The following RGS12 variants were observed in gnomAD, a reference collection of about 807,000 sequenced individuals.
RGS12 encodes regulator of G protein signaling 12, also known as regulator of G-protein signaling 12.
In RGS12, 66 loss-of-function variants were observed where a neutral mutation model predicts 120.1. The observed-to-expected ratio is 0.55, with a 90% CI of 0.45 to 0.67. The LOEUF is 0.67. Ranked by LOEUF, RGS12 falls within the 30% of genes least tolerant of loss-of-function variation. The pLI is 0.00. For missense variants in RGS12, 1,859 were observed against 1,957.7 expected, an observed-to-expected ratio of 0.95 and a Z score of 0.95; for synonymous variants, 827 against 804.7, an observed-to-expected ratio of 1.03 and a Z score of -0.47.
chr4:3,383,575 C>G (rs1718489495), intron 3 of RGS12, among the ~76,000 whole-genome samples: 1 of 151,462 alleles, frequency 6.6e-6, no homozygotes, highest in Non-Finnish European at 1.5e-5. Flanking sequence ...CCACTGTACT[C>G]TATCCTGGTG....
chr4:3,364,898 A>T (rs1034697541), intron 3 of RGS12, among the ~76,000 whole-genome samples: 7 of 150,908 alleles, frequency 4.6e-5, no homozygotes, highest in African/African-American at 1.7e-4. Context: ...GCTTGGAAGG[A>T]CCCTCCCCGT....
At chr4:3,312,291 A>G (rs1273273372) in intron 1 of RGS12, among the ~76,000 whole-genome samples, 2 of 152,234 alleles carry the variant, frequency 1.3e-5, no homozygotes, top group Non-Finnish European at 2.9e-5. Flanking sequence ...TTGGGAGGCC[A>G]AGGTGGGAGG....
At chr4:3,403,018 A>G (rs1720749309) in intron 4 of RGS12, among the ~76,000 whole-genome samples, 1 of 152,166 alleles carries the variant, frequency 6.6e-6, no homozygotes, top group African/African-American at 2.4e-5. Context: ...CAGAGTGACA[A>G]GTGACATAAT....
chr4:3,420,536 C>T, intron 9 of RGS12, 106 bp from the exon 10 acceptor site: 2 of 1,081,140 alleles, frequency 1.8e-6, no homozygotes, highest in Non-Finnish European at 2.8e-6. Context: ...GTGGGGGGGG[C>T]TTCCTGGCGT....
At chr4:3,300,315 G>T (rs934401807) in intron 1 of RGS12, among the ~76,000 whole-genome samples, 1 of 152,206 alleles carries the variant, frequency 6.6e-6, no homozygotes, top group African/African-American at 2.4e-5. Context: ...TGAGGGGCTG[G>T]CTTGCCCCGC....
At position 3,354,828 on chromosome 4, in the gene RGS12, T is replaced by C. The variant is rs531371166; in HGVS notation, c.1998+11775T>C. ...TCATCTCAAGAAGTTAGACAAAAAG[T>C]TGTAGAACAGAATTACAGGACGTCA... On this transcript the variant is annotated intron_variant, in intron 3 of 17. Coordinates refer to ENST00000336727, the MANE Select transcript of RGS12 (RefSeq NM_001394154.1). Among the ~76,000 whole-genome samples, 3 of 152,246 alleles carry C rather than the reference T, an allele frequency of 2.0e-5. No homozygotes were observed. The East Asian group carries it at 5.8e-4, about 29-fold the overall frequency.
At chr4:3,386,363 G>A in intron 3 of RGS12, 53 bp from the exon 4 acceptor site, 2 of 1,568,694 alleles carry the variant, frequency 1.3e-6, no homozygotes, top group Non-Finnish European at 1.8e-6. Flanking sequence ...TTCGTTTCCT[G>A]GAGTTTTGTC....
intron 2 of RGS12, among the ~76,000 whole-genome samples, chr4:3,329,816 A>C (rs769989576): frequency 7.0e-6 from 1 of 142,634 alleles, no homozygotes; most frequent in Non-Finnish European, 1.5e-5. Flanking sequence ...CATGAGTGCA[A>C]AATTTCAGTC....
chr4:3,340,210 C>T (rs1027686460), intron 2 of RGS12, among the ~76,000 whole-genome samples: 13 of 152,188 alleles, frequency 8.5e-5, no homozygotes, highest in African/African-American at 2.4e-4. Context: ...CTGCCGGGGC[C>T]GCACACCTGC....
At chr4:3,292,556 A>G (rs1054451411), upstream of RGS12, among the ~76,000 whole-genome samples, 1 of 152,216 alleles carries the variant, frequency 6.6e-6, no homozygotes, top group Non-Finnish European at 1.5e-5. Context: ...CCGGGCACAG[A>G]GACCCAACGG....
chr4:3,335,582 CA>C (rs931796240), intron 2 of RGS12, among the ~76,000 whole-genome samples: 5 of 152,214 alleles, frequency 3.3e-5, no homozygotes, highest in Non-Finnish European at 7.3e-5. Context: ...TTCACCCTCA[CA>C]GGGGCAGTTC....
chr4:3,340,391 G>A (rs913358191), intron 2 of RGS12, among the ~76,000 whole-genome samples: 22 of 152,254 alleles, frequency 1.4e-4, no homozygotes, highest in Non-Finnish European at 3.2e-4. Context: ...GGACGCTGGG[G>A]AGTCTTAACT....
Position 3,390,712 on chromosome 4 carries a change from G to C in RGS12, c.2020+4275G>C, listed in dbSNP as rs1354642224. Among the ~76,000 whole-genome samples, 1 of 152,214 alleles carries C rather than the reference G, an allele frequency of 6.6e-6. No homozygotes were observed. The highest frequency in any genetic ancestry group is 1.5e-5 in the Non-Finnish European group (1 of 68,044). ...ACAGCTGACAGGCCGATCTCTTGGG[G>C]CAAGTCACTTTCTCTCTCCTAGCCT... On this transcript the variant is annotated intron_variant, in intron 4 of 17. Coordinates refer to ENST00000336727, the MANE Select transcript of RGS12 (RefSeq NM_001394154.1). The surrounding 1 kb of genome is among the most constrained non-coding windows in gnomAD (Gnocchi z 4.6).
chr4:3,342,689 T>C (rs1713363961), intron 2 of RGS12: 8 of 861,672 alleles, frequency 9.3e-6, no homozygotes, highest in Admixed American at 5.8e-5. Flanking sequence ...GGTGGAGGCT[T>C]TGTCAGAGGC....
chr4:3,410,875 G>A (rs1201446844), intron 4 of RGS12, among the ~76,000 whole-genome samples: 1 of 152,166 alleles, frequency 6.6e-6, no homozygotes, highest in Non-Finnish European at 1.5e-5. Flanking sequence ...TGGCGTTTAG[G>A]TGCTCTGATG....
intron 1 of RGS12, among the ~76,000 whole-genome samples, chr4:3,298,297 T>C (rs1723488518): frequency 6.6e-6 from 1 of 152,204 alleles, no homozygotes; most frequent in Non-Finnish European, 1.5e-5. Context: ...TTGGACCTCC[T>C]AGGTTGATCC....
intron 9 of RGS12, 47 bp downstream of exon 9, chr4:3,417,588 C>T (rs370071279): frequency 3.1e-5 from 49 of 1,590,304 alleles, no homozygotes; most frequent in East Asian, 2.5e-4. Flanking sequence ...CAGGCAGCCG[C>T]GTCCCCGTCC....
chr4:3,425,514 C>T lies in RGS12; in HGVS notation c.3285C>T (p.Asp1095=), dbSNP rs375852981. Residue 1095 remains aspartate, a synonymous_variant, in exon 14 of 18, where the codon GAC becomes GAT. Coordinates refer to ENST00000336727, the MANE Select transcript of RGS12 (RefSeq NM_001394154.1). ...TTGGCGCCCCTATATCGAGTCTGGACGGACAGCGGGTTGTCTTGGAGGAGA... is the reference window on the plus strand; with the variant it reads ...TTGGCGCCCCTATATCGAGTCTGGATGGACAGCGGGTTGTCTTGGAGGAGA... The part of the protein sequence containing the change: ...LDLGAPISSL[D]GQRVVLEEKD... 1.0e-4 allele frequency: 165 copies of T among 1,611,418 alleles called. No individual in the cohort carries two copies. The highest frequency in any genetic ancestry group is 1.2e-4 in the Non-Finnish European group (140 of 1,179,630).
intron 4 of RGS12, among the ~76,000 whole-genome samples, chr4:3,408,571 G>A (rs903036640): frequency 2.6e-5 from 4 of 152,216 alleles, no homozygotes; most frequent in Non-Finnish European, 2.9e-5. Context: ...TTTGAAAAAC[G>A]TGTGTGTTGC....
Sources: allele counts gnomAD v4.1 joint callset (sites outside exome capture counted in the v4.1 genomes callset), GRCh38; gene constraint gnomAD v4.1.1; non-coding constraint Gnocchi (gnomAD v3.1); transcripts MANE v1.5; gene names NCBI Gene and HGNC (gene_info 2026-07-23, HGNC 2026-07-21).